DCT: variants seen among roughly 807,000 people sequenced by gnomAD.
DCT encodes L-dopachrome tautomerase.
DCT carries 47 observed loss-of-function variants against 53.0 expected under a neutral mutation model. The observed-to-expected ratio is 0.89, with a 90% confidence interval of 0.70 to 1.13. DCT has a LOEUF of 1.13. Ranked by LOEUF, DCT falls within the 50% of genes most tolerant of loss-of-function variation. DCT has a pLI of 0.00. For synonymous variants in DCT, 244 were observed against 237.0 expected (o/e 1.03, Z -0.27); for missense variants, 669 against 637.4 (o/e 1.05, Z -0.53).
At chr13:94,517,092 C>T in the DCT span, among the ~76,000 whole-genome samples, 1 of 152,280 alleles carries the variant, frequency 6.6e-6, no homozygotes, top group East Asian at 1.9e-4. Flanking sequence ...ATGGTCATTT[C>T]CTAAATATAA....
In DCT at chr13:94,438,484, A is replaced by G; in HGVS notation, c.*1414T>C. ...CTTGATGAGTCTTGCACCCTCTAGGACCCCTTATGTTGAAGGCAGCTCCAG... is the reference window on the plus strand; with the variant it reads ...CTTGATGAGTCTTGCACCCTCTAGGGCCCCTTATGTTGAAGGCAGCTCCAG... On this transcript the variant is annotated 3_prime_UTR_variant, in exon 8 of 8. Transcript: ENST00000377028. 1 of 417,186 alleles carries G rather than the reference A, an allele frequency of 2.4e-6. No homozygotes were observed. The highest frequency in any genetic ancestry group is 4.8e-6 in the Non-Finnish European group (1 of 209,854). 25.8% of individuals were successfully genotyped at this position (417,186 alleles called of 1,614,324 possible).
chr13:94,535,324 T>C, the DCT span, among the ~76,000 whole-genome samples: 1 of 152,194 alleles, frequency 6.6e-6, no homozygotes, highest in Non-Finnish European at 1.5e-5. Flanking sequence ...CATGAGTTGA[T>C]TGCAAAGGAA....
chr13:94,512,874 T>C, the DCT span, among the ~76,000 whole-genome samples: 1 of 151,998 alleles, frequency 6.6e-6, no homozygotes. Flanking sequence ...TAGGAAGAGA[T>C]TAGTGTGGAT....
the DCT span, among the ~76,000 whole-genome samples, chr13:94,522,315 G>A: frequency 6.6e-6 from 1 of 152,146 alleles, no homozygotes; most frequent in South Asian, 2.1e-4. Flanking sequence ...TGAAAGGAGG[G>A]ACTGACCTAG....
chr13:94,542,536 A>C, the DCT span, among the ~76,000 whole-genome samples: 1 of 152,156 alleles, frequency 6.6e-6, no homozygotes. Context: ...CCTTCACACA[A>C]GGCCACTGAG....
intron 2 of DCT, chr13:94,467,566 C>T (rs560837599): frequency 1.3e-5 from 2 of 152,264 alleles, no homozygotes; most frequent in Non-Finnish European, 2.9e-5. Flanking sequence ...AAAGAGCCTC[C>T]TTATCTATCG....
chr13:94,511,905 T>C, the DCT span, among the ~76,000 whole-genome samples: 5 of 151,826 alleles, frequency 3.3e-5, no homozygotes. Context: ...GCTCTGTCGC[T>C]CAGGCTGGAG....
chr13:94,531,327 T>C, the DCT span, among the ~76,000 whole-genome samples: 2 of 152,096 alleles, frequency 1.3e-5, no homozygotes, highest in East Asian at 3.9e-4. Context: ...GAGCCCACAA[T>C]GCCAAGACAA....
At position 94,456,667 on chromosome 13, in the gene DCT, C is replaced by T. The variant is rs148492456; in HGVS notation, c.1179+3424G>A. 6.6e-5 allele frequency among the ~76,000 whole-genome samples: 10 copies of T among 152,328 alleles called. No individual in the cohort carries two copies. In the East Asian group the frequency reaches 1.9e-3, roughly 29 times the overall value. On this transcript the variant is annotated intron_variant, in intron 6 of 7. Transcript: ENST00000377028. Reference sequence around the variant, plus strand: ...TGTCCTAATCTACTAAGAGTCACTTCACTGAGAACAACATTTTCACCACCA... The same window carrying T: ...TGTCCTAATCTACTAAGAGTCACTTTACTGAGAACAACATTTTCACCACCA...
At chr13:94,488,869 CACA>C in the DCT span, among the ~76,000 whole-genome samples, 4 of 75,250 alleles carry the variant, frequency 5.3e-5, no homozygotes, top group South Asian at 1.4e-3. Flanking sequence ...TACATACACA[CACA>C]TACACACACA....
intron 6 of DCT, 138 bp from the exon 7 acceptor site, chr13:94,443,775 TTC>T (rs1246891164): frequency 3.0e-6 from 2 of 662,374 alleles, no homozygotes. Flanking sequence ...GAATACCCCC[TTC>T]TGTGTACCAC....
chr13:94,467,244 C>T (rs904723760), intron 2 of DCT: 19 of 152,192 alleles, frequency 1.2e-4, no homozygotes, highest in African/African-American at 2.2e-4. Context: ...ACATTCAAGC[C>T]ATTTAGGCTG....
intron 6 of DCT, among the ~76,000 whole-genome samples, chr13:94,444,875 A>ACT (rs1471425526): frequency 6.6e-6 from 1 of 152,206 alleles, no homozygotes; most frequent in Non-Finnish European, 1.5e-5. Context: ...CAAGATCCTA[A>ACT]CTCCTTAAGG....
intron 1 of DCT, among the ~76,000 whole-genome samples, chr13:94,476,895 A>G (rs1309276719): frequency 6.6e-6 from 1 of 152,180 alleles, no homozygotes; most frequent in Non-Finnish European, 1.5e-5. Context: ...TCATTCGTCT[A>G]AAACACCATG....
At chr13:94,462,980 CTG>C (rs1206646130) in intron 4 of DCT, among the ~76,000 whole-genome samples, 1 of 152,162 alleles carries the variant, frequency 6.6e-6, no homozygotes. Flanking sequence ...AGAAGAAACA[CTG>C]TGTTGGAAAA....
chr13:94,510,124 T>G, the DCT span, among the ~76,000 whole-genome samples: 54,148 of 151,808 alleles, frequency 0.36, 10,034 homozygotes, highest in East Asian at 0.61. Flanking sequence ...CCTCAATCTC[T>G]TTTCCAGTTT....
At position 94,468,965 on chromosome 13, in the gene DCT, T is replaced by C; in HGVS notation, c.376A>G (p.Ile126Val). The change falls in exon 2 of 8, where the codon ATT (isoleucine) becomes GTT (valine). Residue 126 changes from isoleucine to valine, a missense_variant. Coordinates refer to ENST00000377028, the MANE Select transcript of DCT (RefSeq NM_001922.5). ...CTCAAGGAATGGATGTTCTGCCGAA[T>C]CACTGGTGGTTTCTTCCGCTCGCAG... ...PNCERKKPPV[I>V]RQNIHSLSPQ... The C allele has an allele frequency of 1.2e-6, 2 of 1,614,164 alleles. No homozygotes were observed. Among genetic ancestry groups the C allele is most frequent in the South Asian group, 2.2e-5 (2 of 91,080 alleles).
At chr13:94,466,455 T>G in intron 3 of DCT, 103 bp downstream of exon 3, 4 of 630,190 alleles carry the variant, frequency 6.3e-6, no homozygotes, top group Non-Finnish European at 8.1e-6. Context: ...TTATCTTGTA[T>G]GAGTATCAAG....
the DCT span, among the ~76,000 whole-genome samples, chr13:94,536,740 C>T: frequency 1.3e-5 from 2 of 152,074 alleles, no homozygotes; most frequent in African/African-American, 2.4e-5. Context: ...GCCAGGAGTT[C>T]GAGACCAGCC....
Sources: gnomAD v4.1 joint callset for allele counts (sites outside exome capture counted in the v4.1 genomes callset) on GRCh38, gnomAD v4.1.1 for gene constraint, MANE v1.5 for transcripts, NCBI Gene and HGNC (gene_info 2026-07-23, HGNC 2026-07-21) for gene names.